Variants in CAMTA1 observed in about 807,000 individuals in gnomAD.
CAMTA1 encodes the protein calmodulin binding transcription activator 1.
CAMTA1 carries 27 observed loss-of-function variants against 170.9 expected under a neutral mutation model. The ratio of observed to expected loss-of-function variants is 0.16; its 90% CI spans 0.12 to 0.22. The LOEUF is 0.22. Ranked by LOEUF, CAMTA1 falls within the 10% of genes least tolerant of loss-of-function variation. CAMTA1 has a pLI of 1.00. For missense variants in CAMTA1, 1,619 were observed against 2,217.2 expected (o/e 0.73, Z 5.42); for synonymous variants, 833 against 891.5 (o/e 0.93, Z 1.17).
intron 6 of CAMTA1, among the ~76,000 whole-genome samples, chr1:7,572,901 A>G (rs191026513): frequency 4.6e-5 from 7 of 152,300 alleles, no homozygotes; most frequent in African/African-American, 1.4e-4. Context: ...TGATCCAGCT[A>G]TCTGTATGGA....
chr1:7,753,425 T>C (rs949556227), intron 21 of CAMTA1, among the ~76,000 whole-genome samples: 8 of 152,226 alleles, frequency 5.3e-5, no homozygotes, highest in Non-Finnish European at 1.0e-4. Context: ...GTGCAGTTTA[T>C]AATACCAAAC....
rs1370811926 is a variant in CAMTA1 at position 7,580,983 on chromosome 1, A to G, written c.511-59417A>G. Among the ~76,000 whole-genome samples the G allele has an allele frequency of 6.6e-6, 1 of 152,236 alleles. No individual in the cohort carries two copies. The highest frequency in any genetic ancestry group is 1.5e-5 in the Non-Finnish European group (1 of 68,042). On this transcript the variant is annotated intron_variant, in intron 6 of 22. Coordinates refer to ENST00000303635, the MANE Select transcript of CAMTA1 (RefSeq NM_015215.4). The surrounding 1 kb of genome is among the most constrained non-coding windows in gnomAD (Gnocchi z 4.3). ...CCTAAAAGGTTGTTGAGAAAATGGA[A>G]CGACTGCAGAGCTTAGTAAAGTGCC...
intron 6 of CAMTA1, among the ~76,000 whole-genome samples, chr1:7,479,090 A>G (rs995435091): frequency 6.6e-6 from 1 of 152,190 alleles, no homozygotes; most frequent in Non-Finnish European, 1.5e-5. Flanking sequence ...AGCTGCACCC[A>G]GCTGGTGATG....
intron 3 of CAMTA1, among the ~76,000 whole-genome samples, chr1:6,920,747 C>T (rs925960761): frequency 1.3e-5 from 2 of 152,208 alleles, no homozygotes; most frequent in Non-Finnish European, 2.9e-5. Context: ...GTGAAAGCTG[C>T]CAAGGCTTAG....
intron 3 of CAMTA1, among the ~76,000 whole-genome samples, chr1:6,897,189 C>A (rs575578380): frequency 1.9e-4 from 29 of 152,286 alleles, no homozygotes; most frequent in African/African-American, 6.5e-4. Context: ...AGGTTGAGCA[C>A]AGGCAGAGTC....
intron 5 of CAMTA1, among the ~76,000 whole-genome samples, chr1:7,252,962 C>G (rs1325204388): frequency 2.0e-5 from 3 of 152,134 alleles, no homozygotes; most frequent in Non-Finnish European, 2.9e-5. Flanking sequence ...TTTTCTCAGC[C>G]AGGCACAGGA....
chr1:7,151,149 CA>C, intron 4 of CAMTA1, among the ~76,000 whole-genome samples: 1 of 152,246 alleles, frequency 6.6e-6, no homozygotes, highest in Non-Finnish European at 1.5e-5. Context: ...CAAATGCTAA[CA>C]AGAAACATGG....
chr1:7,211,376 C>G (rs1217853795), intron 4 of CAMTA1, among the ~76,000 whole-genome samples: 1 of 152,212 alleles, frequency 6.6e-6, no homozygotes. Context: ...TCAGAAAGTT[C>G]TTTCATGTTT....
At chr1:7,477,584 C>G (rs2093441675) in intron 6 of CAMTA1, among the ~76,000 whole-genome samples, 1 of 152,190 alleles carries the variant, frequency 6.6e-6, no homozygotes, top group Non-Finnish European at 1.5e-5. Context: ...CTAAAGCCTC[C>G]AGAAAATATG....
At chr1:7,075,770 C>T (rs1395343179) in intron 3 of CAMTA1, among the ~76,000 whole-genome samples, 1 of 150,886 alleles carries the variant, frequency 6.6e-6, no homozygotes, top group Non-Finnish European at 1.5e-5. Context: ...TCAAGTGATT[C>T]TTGTGCCTCA....
intron 3 of CAMTA1, among the ~76,000 whole-genome samples, chr1:6,945,546 G>A (rs1256548761): frequency 6.6e-6 from 1 of 151,858 alleles, no homozygotes; most frequent in African/African-American, 2.4e-5. Context: ...ATGGGGTTTC[G>A]CCAGGTTGCC....
Position 7,463,219 on chromosome 1 carries a change from G to T in CAMTA1, c.439-4611G>T, listed in dbSNP as rs755685366. 2.0e-5 allele frequency among the ~76,000 whole-genome samples: 3 copies of T among 152,202 alleles called. No individual in the cohort carries two copies. Among genetic ancestry groups the T allele is most frequent in the Non-Finnish European group, 4.4e-5 (3 of 68,042 alleles). ...GCATGCTCTGCTCAGGACGCCTTGG[G>T]TAAGTTGCTGAATCCTCTGCGGCTT... On this transcript the variant is annotated intron_variant, in intron 5 of 22. Transcript: ENST00000303635. This position sits in a 1 kb window ranked among gnomAD's most constrained non-coding sequence, Gnocchi z 4.7.
intron 5 of CAMTA1, among the ~76,000 whole-genome samples, chr1:7,450,964 C>G (rs1365340764): frequency 6.6e-6 from 1 of 152,180 alleles, no homozygotes; most frequent in Non-Finnish European, 1.5e-5. Context: ...GTTATTTCCC[C>G]GGGGAGGTCG....
intron 5 of CAMTA1, among the ~76,000 whole-genome samples, chr1:7,340,772 A>ATCCATCCATC (rs1557549205): frequency 7.2e-6 from 1 of 139,460 alleles, no homozygotes; most frequent in Non-Finnish European, 1.6e-5. Context: ...ATCCATCCAT[A>ATCCATCCATC]CACTGTCTCA....
intron 1 of CAMTA1, among the ~76,000 whole-genome samples, chr1:6,797,693 G>T (rs150612484): frequency 6.6e-6 from 1 of 151,994 alleles, no homozygotes; most frequent in Non-Finnish European, 1.5e-5. Context: ...GTCTTGAGAT[G>T]ACTTTTTAAA....
rs925950199 is a variant in CAMTA1 at position 7,042,798 on chromosome 1, C to T, written c.235-48506C>T. ...TCACAGTTCCTTCTCTTCTGCTCTT[C>T]TCAGAACCTCTTAAAGGACCTCTAG... On this transcript the variant is annotated intron_variant, in intron 3 of 22. Transcript: ENST00000303635. 5.5e-4 allele frequency among the ~76,000 whole-genome samples: 83 copies of T among 152,214 alleles called. 2 individuals are homozygous for T. The highest frequency in any genetic ancestry group is 4.4e-5 in the Non-Finnish European group (3 of 68,042).
intron 3 of CAMTA1, among the ~76,000 whole-genome samples, chr1:6,961,002 A>C (rs570095453): frequency 2.0e-5 from 3 of 152,338 alleles, no homozygotes; most frequent in South Asian, 4.1e-4. Context: ...TAAGTGGTAG[A>C]GCTGGGAGTT....
At chr1:7,208,076 C>A (rs898630340) in intron 4 of CAMTA1, among the ~76,000 whole-genome samples, 1 of 152,258 alleles carries the variant, frequency 6.6e-6, no homozygotes, top group Non-Finnish European at 1.5e-5. Context: ...CCTCTTGTGG[C>A]CAACAGCACA....
chr1:7,489,532 A>G (rs983990311), intron 6 of CAMTA1, among the ~76,000 whole-genome samples: 14 of 152,190 alleles, frequency 9.2e-5, no homozygotes, highest in Non-Finnish European at 2.1e-4. Flanking sequence ...GTTAGGGGTC[A>G]GGTAGTATGC....
Sources: allele counts gnomAD v4.1 joint callset (sites outside exome capture counted in the v4.1 genomes callset), GRCh38; gene constraint gnomAD v4.1.1; non-coding constraint Gnocchi (gnomAD v3.1); transcripts MANE v1.5; gene names NCBI Gene and HGNC (gene_info 2026-07-23, HGNC 2026-07-21).